The following TTL variants were observed in gnomAD, a reference collection of about 807,000 sequenced individuals.
The protein encoded by TTL is tubulin tyrosine ligase, also known as tubulin--tyrosine ligase.
A neutral mutation model predicts 41.1 loss-of-function variants in TTL; 10 were observed. The ratio of observed to expected loss-of-function variants is 0.24; its 90% CI spans 0.15 to 0.41. The LOEUF (loss-of-function observed/expected upper bound fraction) is 0.41, where lower values mean the gene tolerates loss of function less well. TTL is among the 10% of genes least tolerant of loss of function. The pLI, the probability that TTL is intolerant of heterozygous loss-of-function variation, is 1.00. For synonymous variants in TTL, 175 were observed against 175.5 expected (o/e 1.00, Z 0.02); for missense variants, 367 against 460.4 (o/e 0.80, Z 1.86).
chr2:112,516,459 A>G (rs1445053029), intron 5 of TTL, among the ~76,000 whole-genome samples: 1 of 152,178 alleles, frequency 6.6e-6, no homozygotes, highest in African/African-American at 2.4e-5. Context: ...GTGGATCACA[A>G]GGTCAGGAGT....
In TTL at chr2:112,525,733, C is replaced by G. The variant is rs1233029419; in HGVS notation, c.1020-2948C>G. ...AATATACAATCATGTCATCGGCAAA[C>G]AGGGACAATTTGACTTCCTTTTTTC... On this transcript the variant is annotated intron_variant, in intron 6 of 6. Coordinates refer to ENST00000233336, the MANE Select transcript of TTL (RefSeq NM_153712.5). Among the ~76,000 whole-genome samples the G allele has an allele frequency of 1.3e-5, 2 of 152,164 alleles. 1 individual carries two copies. Among genetic ancestry groups the G allele is most frequent in the Admixed American group, 1.3e-4 (2 of 15,268 alleles).
At chr2:112,502,568 C>T (rs1681731448) in intron 4 of TTL, among the ~76,000 whole-genome samples, 1 of 147,128 alleles carries the variant, frequency 6.8e-6, no homozygotes, top group Non-Finnish European at 1.5e-5. Context: ...ACCCGGAAGG[C>T]GGAGGTTGCA....
At chr2:112,525,582 C>T (rs1682351209) in intron 6 of TTL, among the ~76,000 whole-genome samples, 1 of 152,070 alleles carries the variant, frequency 6.6e-6, no homozygotes, top group Admixed American at 6.6e-5. Context: ...CATGATTTGG[C>T]TGTTTGTCTG....
Position 112,532,549 on chromosome 2 carries a change from G to T in TTL, c.*3754G>T. The T allele has an allele frequency of 4.9e-6, 1 of 203,062 alleles. No homozygotes were observed. The highest frequency in any genetic ancestry group is 1.0e-5 in the Non-Finnish European group (1 of 98,758). 12.6% of individuals were successfully genotyped at this position (203,062 alleles called of 1,614,324 possible). A position where few individuals can be genotyped will look rare whatever the true frequency, so the allele number is the denominator to read the frequency against. On this transcript the variant is annotated 3_prime_UTR_variant, in exon 7 of 7. Coordinates refer to ENST00000233336, the MANE Select transcript of TTL (RefSeq NM_153712.5). ...GGAGGATCGCTTGAGGCTGAGGTGT[G>T]AGGCTGCAGTGAACCATGTTCACAC...
intron 5 of TTL, among the ~76,000 whole-genome samples, chr2:112,511,291 G>A (rs909791234): frequency 4.6e-5 from 7 of 151,752 alleles, no homozygotes; most frequent in Non-Finnish European, 8.8e-5. Flanking sequence ...TTACAGACAT[G>A]AGCCACTGCA....
At chr2:112,490,510 A>G (rs1342130283) in intron 2 of TTL, among the ~76,000 whole-genome samples, 1 of 152,076 alleles carries the variant, frequency 6.6e-6, no homozygotes, top group African/African-American at 2.4e-5. Flanking sequence ...TCCAATATGT[A>G]TCATACAATA....
intron 5 of TTL, among the ~76,000 whole-genome samples, chr2:112,506,795 G>C (rs953022111): frequency 3.1e-5 from 2 of 63,636 alleles, no homozygotes; most frequent in African/African-American, 1.3e-4. Flanking sequence ...TTTTTGAAGG[G>C]TTTTTTGTGT....
chr2:112,516,656 A>G (rs1682079215), intron 5 of TTL, among the ~76,000 whole-genome samples: 1 of 152,208 alleles, frequency 6.6e-6, no homozygotes, highest in Non-Finnish European at 1.5e-5. Flanking sequence ...CCTGAGCAAC[A>G]GAGCAAGATT....
chr2:112,519,096 T>C (rs1441912904), intron 5 of TTL, among the ~76,000 whole-genome samples: 5 of 151,854 alleles, frequency 3.3e-5, no homozygotes, highest in East Asian at 1.9e-4. Context: ...CAGCATTCAG[T>C]TGGGTGAAAA....
rs186193894 is a variant in TTL at position 112,485,714 on chromosome 2, T to G, written c.158-203T>G. Among the ~76,000 whole-genome samples the G allele has an allele frequency of 2.0e-5, 3 of 152,216 alleles. No individual in the cohort carries two copies. The East Asian group carries it at 5.8e-4, about 29-fold the overall frequency. On this transcript the variant is annotated intron_variant, in intron 1 of 6. Transcript: ENST00000233336. ...GCAAACCTACGATGTTGATATAATA[T>G]CCACTGTGGGGAGAATGAAGGTTGC... is the stretch of plus-strand genomic sequence containing the variant.
chr2:112,502,932 A>C lies in TTL; in HGVS notation c.626A>C (p.His209Pro). ...TGCAGAAGCTGGGTCTTGGTGGATC[A>C]TCAGTATAATATCTACCTCTATAGA... The part of the protein sequence containing the change: ...FDIRSWVLVD[H>P]QYNIYLYREG... The change falls in exon 5 of 7, where the codon CAT becomes CCT. Residue 209 changes from histidine to proline, a missense_variant. By Grantham distance (77) the His-to-Pro change is moderately conservative (BLOSUM62 -2). Transcript: ENST00000233336. 1.2e-6 allele frequency: 2 copies of C among 1,608,526 alleles called. No individual in the cohort carries two copies. The highest frequency in any genetic ancestry group is 1.7e-6 in the Non-Finnish European group (2 of 1,176,714).
At chr2:112,518,506 G>A (rs2104471563) in intron 5 of TTL, among the ~76,000 whole-genome samples, 1 of 152,046 alleles carries the variant, frequency 6.6e-6, no homozygotes, top group Non-Finnish European at 1.5e-5. Context: ...TAGGAAAAAA[G>A]AAAAGGAGAT....
In TTL at chr2:112,521,318, T is replaced by C. The variant is rs186507716; in HGVS notation, c.1019+893T>C. The C allele has an allele frequency of 1.3e-4, 131 of 985,320 alleles. No individual in the cohort carries two copies. In the African/African-American group the frequency reaches 2.3e-3, roughly 17 times the overall value. The allele number at this position is 985,320 out of a possible 1,614,324, so 61.0% of individuals were successfully genotyped here. On this transcript the variant is annotated intron_variant, in intron 6 of 6. Transcript: ENST00000233336. Reference sequence around the variant, plus strand: ...AAGGCTGGTTGTAGCATGAGCGTCATGGAGTCATTAAGGAGGAAGGAAGGT... The same window carrying C: ...AAGGCTGGTTGTAGCATGAGCGTCACGGAGTCATTAAGGAGGAAGGAAGGT...
chr2:112,483,048 G>A (rs1021942053), intron 1 of TTL: 47 of 152,606 alleles, frequency 3.1e-4, no homozygotes, highest in African/African-American at 1.1e-3. Flanking sequence ...CCAAAAGCAG[G>A]AGCTGCAGAA....
chr2:112,528,798 G>C lies in TTL; in HGVS notation c.*3G>C, dbSNP rs956911538. ...CAGCTGCCTTCATCAAGCTGTGACA[G>C]AGGGCACTCCCTGCTGCCTTGGAAA... is the stretch of plus-strand genomic sequence containing the variant. On this transcript the variant is annotated 3_prime_UTR_variant, in exon 7 of 7. Coordinates refer to ENST00000233336, the MANE Select transcript of TTL (RefSeq NM_153712.5). 6.2e-7 allele frequency: 1 copy of C among 1,612,260 alleles called. No homozygotes were observed. Among genetic ancestry groups the C allele is most frequent in the Non-Finnish European group, 8.5e-7 (1 of 1,178,408 alleles).
intron 3 of TTL, among the ~76,000 whole-genome samples, chr2:112,500,044 G>A (rs1232807916): frequency 6.6e-6 from 1 of 152,198 alleles, no homozygotes; most frequent in Non-Finnish European, 1.5e-5. Context: ...GAGTGAACAT[G>A]ATACTAATAC....
rs1682619481 is a variant in TTL, at chr2:112,537,547, A to T, written c.*8752A>T. On this transcript the variant is annotated 3_prime_UTR_variant, in exon 7 of 7. Transcript: ENST00000233336. ...TAGCTATTCTGACTGGCGTGAGATG[A>T]TATCTTATTGTGGTTGTGATTTCCA... 1 of 152,150 alleles carries T rather than the reference A, an allele frequency of 6.6e-6. No homozygotes were observed. Among genetic ancestry groups the T allele is most frequent in the Non-Finnish European group, 1.5e-5 (1 of 68,046 alleles). The allele number at this position is 152,150 out of a possible 1,614,324, so 9.4% of individuals were successfully genotyped here.
chr2:112,500,166 G>C (rs2458989), intron 3 of TTL, among the ~76,000 whole-genome samples: 7 of 152,086 alleles, frequency 4.6e-5, no homozygotes, highest in African/African-American at 9.7e-5. Flanking sequence ...GACATCCATA[G>C]ATACAGAAAG....
At chr2:112,492,024 G>T (rs1036613368) in intron 2 of TTL, among the ~76,000 whole-genome samples, 3 of 151,972 alleles carry the variant, frequency 2.0e-5, no homozygotes, top group Non-Finnish European at 4.4e-5. Flanking sequence ...CCCAATTGTG[G>T]TATTTGTAGC....
Sources: gnomAD v4.1 joint callset for allele counts (sites outside exome capture counted in the v4.1 genomes callset) on GRCh38, gnomAD v4.1.1 for gene constraint, MANE v1.5 for transcripts, NCBI Gene and HGNC (gene_info 2026-07-23, HGNC 2026-07-21) for gene names.